The following RECQL4 variants were observed in gnomAD, a reference collection of about 807,000 sequenced individuals.
The protein encoded by RECQL4 is ATP-dependent DNA helicase Q4.
Under a neutral mutation model 128.6 loss-of-function variants are expected in RECQL4, and 158 were observed. The observed-to-expected ratio is 1.23, with a 90% CI of 1.08 to 1.40. The LOEUF (loss-of-function observed/expected upper bound fraction) is 1.40. Among genes scored for constraint, RECQL4 ranks in the 40% most tolerant of loss-of-function variants. The probability of loss-of-function intolerance (pLI) is 0.00; values close to 1 mark genes in which losing one functional copy is unlikely to be tolerated. For synonymous variants in RECQL4, 996 were observed against 678.9 expected (o/e 1.47, Z -7.26); for missense variants, 2,293 against 1,649.8 (o/e 1.39, Z -6.75).
At position 144,515,241 on chromosome 8, in the gene RECQL4, C is replaced by G. The variant is rs996941890; in HGVS notation, c.1392G>C (p.Glu464Asp). The G allele has an allele frequency of 2.5e-6, 4 of 1,595,200 alleles. No homozygotes were observed. Among genetic ancestry groups the G allele is most frequent in the Non-Finnish European group, 3.4e-6 (4 of 1,171,598 alleles). ...YSLGPSGQLA[E>D]TPAEVFQALE... ...GGGCCTGGAACACCTCAGCCGGCGTCTCTGCAGACACAGATGTTGATCACC... is the reference window on the plus strand; with the variant it reads ...GGGCCTGGAACACCTCAGCCGGCGTGTCTGCAGACACAGATGTTGATCACC... Residue 464 changes from glutamate (E) to aspartate (D), a missense_variant and splice_region_variant, in exon 8 of 21, where the codon GAG becomes GAC. Glu to Asp is a conservative substitution (Grantham distance 45). Coordinates refer to ENST00000617875, the MANE Select transcript of RECQL4 (RefSeq NM_004260.4).
rs201763704 is a variant in RECQL4, at chr8:144,516,076, T to C, written c.1043A>G (p.His348Arg). 181 of 1,612,574 alleles carry C rather than the reference T, an allele frequency of 1.1e-4. No individual in the cohort carries two copies. The highest frequency in any genetic ancestry group is 1.5e-4 in the Non-Finnish European group (176 of 1,179,880). ...PLHIFPRLARHDRGNYVRLNM... is the reference protein window; with the variant it reads ...PLHIFPRLARRDRGNYVRLNM... ...GAGCCGTACGTAATTGCCCCTGTCA[T>C]GGCGGGCCAGCCGAGGGAAGATGTG... Residue 348 changes from histidine to arginine, a missense_variant, in exon 5 of 21, where the codon CAT becomes CGT. Transcript: ENST00000617875.
At chr8:144,515,523 C>T in intron 6 of RECQL4, 66 bp from the exon 7 acceptor site, 1 of 1,606,422 alleles carries the variant, frequency 6.2e-7, no homozygotes, top group Non-Finnish European at 8.5e-7. Flanking sequence ...TGGCCACAAC[C>T]TCTCCTTCCC....
chr8:144,515,397 A>G lies in RECQL4; in HGVS notation c.1319T>C (p.Val440Ala). 6.2e-7 allele frequency: 1 copy of G among 1,612,776 alleles called. No individual in the cohort carries two copies. Among genetic ancestry groups the G allele is most frequent in the Non-Finnish European group, 8.5e-7 (1 of 1,179,828 alleles). ...GGGGTCCAGGCTGGGCACCTCAGGT[A>G]CAGGTTGTGGTGAAGGAACCAGTGG... ...PEPLVPSPQP[V>A]PEVPSLDPTV... The change falls in exon 7 of 21, where the codon GTA becomes GCA. Residue 440 changes from valine to alanine, a missense_variant. Val to Ala is a moderately conservative substitution (Grantham distance 64). Coordinates refer to ENST00000617875, the MANE Select transcript of RECQL4 (RefSeq NM_004260.4).
rs1024114400 is a variant in RECQL4 at position 144,513,049 on chromosome 8, TG to T, written c.2552del (p.Pro851GlnfsTer97). 11 of 1,576,230 alleles carry T rather than the reference TG, an allele frequency of 7.0e-6. No individual in the cohort carries two copies. In the African/African-American group the frequency reaches 1.5e-4, roughly 21 times the overall value. ...GCCTGGTGCAGGTGCAGGTGCAGGCTGGGAACACGCGCTGTACCAGCCTCTT... is the reference window on the plus strand; with the variant it reads ...GCCTGGTGCAGGTGCAGGTGCAGGCTGGAACACGCGCTGTACCAGCCTCTT... The part of the protein sequence containing the change: ...AVKRLVQRVF[P>X]ACTCTCTRPP... On this transcript the variant is annotated frameshift_variant, in exon 15 of 21. Transcript: ENST00000617875. LOFTEE classifies it high-confidence loss of function.
At chr8:144,512,799 G>A (rs13251348) in intron 15 of RECQL4, 28 bp from the exon 16 acceptor site, 171 of 1,610,172 alleles carry the variant, frequency 1.1e-4, no homozygotes, top group South Asian at 4.4e-4. Context: ...CTCAGCGGAC[G>A]CGGGGACAGC....
chr8:144,514,886 A>C, intron 9 of RECQL4, 50 bp downstream of exon 9: 1 of 1,597,754 alleles, frequency 6.3e-7, no homozygotes, highest in Non-Finnish European at 8.5e-7. Context: ...TGGGAGTCAC[A>C]AGTGCTGGTT....
In RECQL4 at chr8:144,516,690, T is replaced by C. The variant is rs763675505; in HGVS notation, c.429A>G (p.Pro143=). 6 of 1,561,320 alleles carry C rather than the reference T, an allele frequency of 3.8e-6. No individual in the cohort carries two copies. The highest frequency in any genetic ancestry group is 5.2e-6 in the Non-Finnish European group (6 of 1,155,454). The change falls in exon 5 of 21, where the codon CCA becomes CCG. Residue 143 remains proline, a synonymous_variant. Coordinates refer to ENST00000617875, the MANE Select transcript of RECQL4 (RefSeq NM_004260.4). The stretch of plus-strand genomic sequence containing the variant: ...CAAAGGAGGGGACAGGCCCTGTACC[T>C]GGGGGCTTTGGGGTGGATGCCTTAG... ...ASSKASTPKP[P]GTGPVPSFAE...
intron 9 of RECQL4, 90 bp from the exon 10 acceptor site, chr8:144,514,615 G>C: frequency 8.2e-6 from 11 of 1,333,540 alleles, no homozygotes; most frequent in Non-Finnish European, 9.3e-6. Context: ...GTCCATCCTA[G>C]TCCCTCAGGG....
At position 144,517,113 on chromosome 8, in the gene RECQL4, G is replaced by T. The variant is rs762806249; in HGVS notation, c.291C>A (p.Ser97Arg). Reference sequence around the variant, plus strand: ...CGTAGTCCGGCACCGAGCCCTGGCGGCTCCGCCCTGGCGTAGACTGTGGAC... The same window carrying T: ...CGTAGTCCGGCACCGAGCCCTGGCGTCTCCGCCCTGGCGTAGACTGTGGAC... ...TKSPQSTPGR[S>R]RQGSVPDYGQ... is the part of the protein sequence containing the mutation. The change falls in exon 4 of 21, where the codon AGC (serine) becomes AGA (arginine). Residue 97 changes from serine to arginine, a missense_variant. Transcript: ENST00000617875. 1.1e-5 allele frequency: 18 copies of T among 1,612,250 alleles called. No individual in the cohort carries two copies. The highest frequency in any genetic ancestry group is 1.5e-5 in the Non-Finnish European group (18 of 1,179,750).
At position 144,515,306 on chromosome 8, in the gene RECQL4, G is replaced by A. The variant is rs747705426; in HGVS notation, c.1390+20C>T. On this transcript the variant is annotated intron_variant, in intron 7 of 20. Coordinates refer to ENST00000617875, the MANE Select transcript of RECQL4 (RefSeq NM_004260.4). ...CCCAACCCCTCAGTGAAGGCTCTGGGCCAGAAGCTGACTGCTCACCTGCCA... is the reference window on the plus strand; with the variant it reads ...CCCAACCCCTCAGTGAAGGCTCTGGACCAGAAGCTGACTGCTCACCTGCCA... 4 of 1,611,706 alleles carry A rather than the reference G, an allele frequency of 2.5e-6. No individual in the cohort carries two copies. Among genetic ancestry groups the A allele is most frequent in the South Asian group, 1.1e-5 (1 of 90,902 alleles).
Position 144,516,027 on chromosome 8 carries a change from C to A in RECQL4, c.1092G>T (p.Val364=). 6.2e-7 allele frequency: 1 copy of A among 1,611,568 alleles called. No individual in the cohort carries two copies. The highest frequency in any genetic ancestry group is 8.5e-7 in the Non-Finnish European group (1 of 1,179,014). Reference sequence around the variant, plus strand: ...GCCTGCTACGGAGTGCCCGGCCCCGCACGTAGTGTTTCTGCTTCATGTTGA... The same window carrying A: ...GCCTGCTACGGAGTGCCCGGCCCCGAACGTAGTGTTTCTGCTTCATGTTGA... ...VRLNMKQKHY[V]RGRALRSRLL... Residue 364 remains valine, a synonymous_variant, in exon 5 of 21, where the codon GTG becomes GTT. Coordinates refer to ENST00000617875, the MANE Select transcript of RECQL4 (RefSeq NM_004260.4).
chr8:144,517,507 C>T lies in RECQL4; in HGVS notation c.120G>A (p.Ala40=). 1 of 1,590,052 alleles carries T rather than the reference C, an allele frequency of 6.3e-7. No homozygotes were observed. ...DVEAAPEETR[A]LYREYRTLKR... ...TCAGAGTGCGGTATTCCCGGTAGAG[C>T]GCTGCGTGGGCGAGCGGGAGGCGGG... The change falls in exon 3 of 21, where the codon GCG becomes GCA. Residue 40 remains alanine, a splice_region_variant and synonymous_variant. Transcript: ENST00000617875.
Position 144,513,958 on chromosome 8 carries a change from A to G in RECQL4, c.2028T>C (p.Leu676=). The G allele has an allele frequency of 6.4e-7, 1 of 1,561,158 alleles. No individual in the cohort carries two copies. ...GPAPVPTNLH[L]SVSMDRDTDQ... The stretch of plus-strand genomic sequence containing the variant: ...CTGTGTCCCTGTCCATGGACACGGA[A>G]AGGTGCAGGTTGGTGGGAACTGGGG... Residue 676 remains leucine (L), a synonymous_variant, in exon 12 of 21, where the codon CTT becomes CTC. Coordinates refer to ENST00000617875, the MANE Select transcript of RECQL4 (RefSeq NM_004260.4).
In RECQL4 at chr8:144,511,432, C is replaced by A; in HGVS notation, c.3626G>T (p.Ter1209LeuextTer?). The stretch of plus-strand genomic sequence containing the variant: ...CCGACATCCCCCAATGCAGTGCAGT[C>A]AGCGGGCCACCTGCAGGAGCTCTTC... The part of the protein sequence containing the change: ...ATEELLQVAR[*>L] The change falls in exon 21 of 21, where the codon TGA (stop) becomes TTA (leucine). Residue 1209 changes from the stop codon to leucine, a stop_lost. Transcript: ENST00000617875. 1 of 1,612,378 alleles carries A rather than the reference C, an allele frequency of 6.2e-7. No homozygotes were observed. The highest frequency in any genetic ancestry group is 1.1e-5 in the South Asian group (1 of 91,076).
chr8:144,513,550 C>A (rs1198767765), intron 13 of RECQL4, 21 bp downstream of exon 13: 6 of 1,610,830 alleles, frequency 3.7e-6, no homozygotes, highest in Non-Finnish European at 5.1e-6. Flanking sequence ...CACGGGGACA[C>A]CAGCTCTGTC....
rs1828096081 is a variant in RECQL4, at chr8:144,515,886, C to T, written c.1136G>A (p.Trp379Ter). 4.3e-6 allele frequency: 7 copies of T among 1,612,926 alleles called. No homozygotes were observed. Among genetic ancestry groups the T allele is most frequent in the South Asian group, 1.1e-5 (1 of 91,066 alleles). The change falls in exon 6 of 21, where the codon TGG (tryptophan) becomes TAG (stop). Residue 379 changes from tryptophan (W) to a stop codon, truncating the protein, a stop_gained. Coordinates refer to ENST00000617875, the MANE Select transcript of RECQL4 (RefSeq NM_004260.4). LOFTEE classifies it high-confidence loss of function. ...CCCTTTCTTCCGCCACTTCTGCTTC[C>T]ATGCCTGGGGGGTGCCCACATAGGA... ...LRSRLLRKQA[W>*]KQKWRKKGEC...
At chr8:144,515,106 C>A in intron 8 of RECQL4, 34 bp from the exon 9 acceptor site, 3 of 1,586,088 alleles carry the variant, frequency 1.9e-6, no homozygotes, top group Non-Finnish European at 2.6e-6. Flanking sequence ...CAGGGTTCTG[C>A]AGCCTGGCCT....
rs781471399 is a variant in RECQL4 at position 144,514,050 on chromosome 8, GTGTGGC to G, written c.1930_1935del (p.Ala644_Thr645del). The G allele has an allele frequency of 1.9e-5, 30 of 1,583,002 alleles. No individual in the cohort carries two copies. The highest frequency in any genetic ancestry group is 4.7e-5 in the East Asian group (2 of 42,958). ...TGTGCCACGTCACTGGCAGTGCGGC[GTGTGGC>G]TGTGGCTGTGAGGCCCAGGAAGCAG... On this transcript the variant is annotated inframe_deletion, in exon 12 of 21. Transcript: ENST00000617875.
At chr8:144,516,883 A>G in intron 4 of RECQL4, 119 bp from the exon 5 acceptor site, 1 of 1,380,262 alleles carries the variant, frequency 7.2e-7, no homozygotes, top group Non-Finnish European at 9.7e-7. Context: ...ACAAGGCTGG[A>G]CTAGAAAGGG....
Sources: gnomAD v4.1 joint callset for allele counts on GRCh38, gnomAD v4.1.1 for gene constraint, MANE v1.5 for transcripts, NCBI Gene and HGNC (gene_info 2026-07-23, HGNC 2026-07-21) for gene names.